EEFSEC: variants seen among roughly 807,000 people sequenced by gnomAD.
The protein encoded by EEFSEC is eukaryotic elongation factor, selenocysteine-tRNA specific.
EEFSEC carries 43 observed loss-of-function variants against 42.1 expected under a neutral mutation model. The observed-to-expected ratio is 1.02, with a 90% CI of 0.80 to 1.32. The LOEUF is 1.32. Ranked by LOEUF, EEFSEC falls within the 40% of genes most tolerant of loss-of-function variation. The probability of loss-of-function intolerance (pLI) is 0.00; values close to 1 mark genes in which losing one functional copy is unlikely to be tolerated. For synonymous variants in EEFSEC, 354 were observed against 339.1 expected (o/e 1.04, Z -0.48); for missense variants, 745 against 803.6 (o/e 0.93, Z 0.88).
chr3:128,350,652 A>G (rs1384631685), intron 5 of EEFSEC, among the ~76,000 whole-genome samples: 2 of 152,132 alleles, frequency 1.3e-5, no homozygotes, highest in Non-Finnish European at 2.9e-5. Context: ...TCCTTTGAAA[A>G]TTGCTTTTTT....
chr3:128,337,551 C>G (rs2067204235), intron 4 of EEFSEC, among the ~76,000 whole-genome samples: 1 of 152,210 alleles, frequency 6.6e-6, no homozygotes. Context: ...TCTGGAATCT[C>G]AGCTCGGTGC....
Position 128,153,526 on chromosome 3 carries a change from A to G in EEFSEC, c.19A>G (p.Asn7Asp), listed in dbSNP as rs1455763781. 2 of 1,514,298 alleles carry G rather than the reference A, an allele frequency of 1.3e-6. No individual in the cohort carries two copies. The highest frequency in any genetic ancestry group is 1.2e-5 in the South Asian group (1 of 81,930). 93.8% of individuals were successfully genotyped at this position (1,514,298 alleles called of 1,614,324 possible). ...CGGCGGCATGGCAGGGCGGCGGGTG[A>G]ACGTGAACGTGGGCGTGCTGGGCCA... MAGRRV[N>D]VNVGVLGHID... is the part of the protein sequence containing the mutation. Residue 7 changes from asparagine to aspartate, a missense_variant, in exon 1 of 7, where the codon AAC (asparagine) becomes GAC (aspartate). Coordinates refer to ENST00000254730, the MANE Select transcript of EEFSEC (RefSeq NM_021937.5).
At chr3:128,383,349 G>C (rs1221620800) in intron 6 of EEFSEC, among the ~76,000 whole-genome samples, 3 of 152,192 alleles carry the variant, frequency 2.0e-5, no homozygotes, top group African/African-American at 7.2e-5. Context: ...CAGTGAATGG[G>C]GTGGGGTGAT....
chr3:128,351,032 G>T (rs1180541140), intron 5 of EEFSEC, among the ~76,000 whole-genome samples: 2 of 152,206 alleles, frequency 1.3e-5, no homozygotes, highest in African/African-American at 2.4e-5. Context: ...TCCATGATCA[G>T]GCAGCCTCTG....
At chr3:128,272,681 G>A (rs2066426952) in intron 4 of EEFSEC, among the ~76,000 whole-genome samples, 1 of 152,184 alleles carries the variant, frequency 6.6e-6, no homozygotes, top group Non-Finnish European at 1.5e-5. Context: ...CTAGCTGTTA[G>A]GAACACAATT....
intron 4 of EEFSEC, among the ~76,000 whole-genome samples, chr3:128,284,669 G>A (rs776363988): frequency 2.0e-5 from 3 of 152,194 alleles, no homozygotes; most frequent in Non-Finnish European, 4.4e-5. Context: ...ACAAAGGGAA[G>A]GGTACAAAAT....
At chr3:128,319,403 C>G (rs16843940) in intron 4 of EEFSEC, among the ~76,000 whole-genome samples, 1 of 152,138 alleles carries the variant, frequency 6.6e-6, no homozygotes, top group Non-Finnish European at 1.5e-5. Context: ...CCTCAGTGAG[C>G]GAGGGTGGCT....
intron 1 of EEFSEC, among the ~76,000 whole-genome samples, chr3:128,179,443 A>G (rs906528853): frequency 3.3e-5 from 5 of 152,278 alleles, no homozygotes; most frequent in African/African-American, 1.2e-4. Flanking sequence ...CTAATCAGAT[A>G]CAATTGGAGC....
At chr3:128,282,249 G>C (rs891925849) in intron 4 of EEFSEC, among the ~76,000 whole-genome samples, 6 of 152,218 alleles carry the variant, frequency 3.9e-5, no homozygotes, top group African/African-American at 1.4e-4. Flanking sequence ...GTGGGTGGCT[G>C]GTCTCTTCCA....
At chr3:128,397,301 G>T (rs2067992881) in intron 6 of EEFSEC, among the ~76,000 whole-genome samples, 2 of 152,366 alleles carry the variant, frequency 1.3e-5, no homozygotes, top group Non-Finnish European at 2.9e-5. Context: ...TGGCAGGGTG[G>T]ACAGCTTTGT....
rs62270890 is a variant in EEFSEC, at chr3:128,317,474, C to T, written c.787-23759C>T. Among the ~76,000 whole-genome samples the T allele has an allele frequency of 1.0e-3, 152 of 152,368 alleles. 1 individual carries two copies. The highest frequency in any genetic ancestry group is 1.3e-3 in the Non-Finnish European group (87 of 68,032). ...CTCAGGGATCAGCACAAGGGCCCCTCTGGGGCTGGCGTCCTCTTCCTGTCA... is the reference window on the plus strand; with the variant it reads ...CTCAGGGATCAGCACAAGGGCCCCTTTGGGGCTGGCGTCCTCTTCCTGTCA... On this transcript the variant is annotated intron_variant, in intron 4 of 6. Transcript: ENST00000254730. This position sits in a 1 kb window ranked among gnomAD's most constrained non-coding sequence, Gnocchi z 4.1.
chr3:128,170,496 G>A (rs79570416), intron 1 of EEFSEC, among the ~76,000 whole-genome samples: 19 of 150,986 alleles, frequency 1.3e-4, no homozygotes, highest in Admixed American at 1.1e-3. Flanking sequence ...GTGAGACCAC[G>A]TCTAAAAAAA....
intron 1 of EEFSEC, among the ~76,000 whole-genome samples, chr3:128,224,012 C>T (rs947458491): frequency 2.0e-5 from 3 of 151,634 alleles, no homozygotes; most frequent in Admixed American, 2.0e-4. Context: ...TTCTTTCCTG[C>T]TCTTTTTGTT....
chr3:128,349,532 G>A (rs1255559667), intron 5 of EEFSEC, among the ~76,000 whole-genome samples: 3 of 152,188 alleles, frequency 2.0e-5, no homozygotes, highest in Non-Finnish European at 2.9e-5. Flanking sequence ...GCTTAGGACA[G>A]TGAGTGCTCT....
intron 4 of EEFSEC, among the ~76,000 whole-genome samples, chr3:128,320,833 G>A (rs1232697924): frequency 6.6e-6 from 1 of 152,218 alleles, no homozygotes; most frequent in Admixed American, 6.5e-5. Flanking sequence ...GCAGACTCCT[G>A]GACGGGAGCT....
chr3:128,180,211 A>G (rs973471655), intron 1 of EEFSEC, among the ~76,000 whole-genome samples: 2 of 152,228 alleles, frequency 1.3e-5, no homozygotes, highest in Non-Finnish European at 2.9e-5. Context: ...TTGTCTCATC[A>G]GATCGAGTAC....
intron 6 of EEFSEC, 147 bp downstream of exon 6, chr3:128,358,520 T>C: frequency 8.6e-7 from 1 of 1,168,572 alleles, no homozygotes; most frequent in Non-Finnish European, 1.2e-6. Context: ...CCTGGCAGCA[T>C]GGCCTCTGGC....
At chr3:128,218,309 A>G (rs566885121) in intron 1 of EEFSEC, among the ~76,000 whole-genome samples, 1 of 152,354 alleles carries the variant, frequency 6.6e-6, no homozygotes, top group Admixed American at 6.5e-5. Context: ...ACAGCTGGTA[A>G]CAGGACACCG....
intron 6 of EEFSEC, among the ~76,000 whole-genome samples, chr3:128,370,091 T>G (rs913883231): frequency 6.6e-6 from 1 of 152,186 alleles, no homozygotes; most frequent in Non-Finnish European, 1.5e-5. Context: ...CACCAATAGT[T>G]TTACAACACT....
Sources: gnomAD v4.1 joint callset for allele counts (sites outside exome capture counted in the v4.1 genomes callset) on GRCh38, gnomAD v4.1.1 for gene constraint, Gnocchi (gnomAD v3.1) non-coding constraint, MANE v1.5 for transcripts, NCBI Gene and HGNC (gene_info 2026-07-23, HGNC 2026-07-21) for gene names.